CADM2: variants seen among roughly 807,000 people sequenced by gnomAD.
CADM2 encodes cell adhesion molecule 2.
In CADM2, 12 loss-of-function variants were observed where a neutral mutation model predicts 49.8. That is an observed-to-expected ratio of 0.24 (90% CI 0.15 to 0.39). The LOEUF is 0.39. Ranked by LOEUF, CADM2 falls within the 10% of genes least tolerant of loss-of-function variation. The probability of loss-of-function intolerance (pLI) is 1.00; values close to 1 mark genes in which losing one functional copy is unlikely to be tolerated. For synonymous variants in CADM2, 214 were observed against 175.4 expected, an observed-to-expected ratio of 1.22 and a Z score of -1.74; for missense variants, 378 against 492.3, an observed-to-expected ratio of 0.77 and a Z score of 2.20.
intron 1 of CADM2, among the ~76,000 whole-genome samples, chr3:85,577,316 G>C (rs570650051): frequency 3.5e-4 from 54 of 152,258 alleles, no homozygotes; most frequent in African/African-American, 1.3e-3. Context: ...GATTGGGTTA[G>C]AAGGGCTCTA....
At chr3:85,303,676 A>G (rs923659018) in intron 1 of CADM2, among the ~76,000 whole-genome samples, 1 of 151,970 alleles carries the variant, frequency 6.6e-6, no homozygotes, top group Non-Finnish European at 1.5e-5. Flanking sequence ...CTTGGTATCA[A>G]ATAGCCTATA....
chr3:85,549,094 T>A (rs4856585), intron 1 of CADM2, among the ~76,000 whole-genome samples: 77,958 of 152,046 alleles, frequency 0.51, 23,061 homozygotes, highest in East Asian at 0.85. Context: ...GTACAGCCTC[T>A]AAGTGGAAAG....
intron 8 of CADM2, among the ~76,000 whole-genome samples, chr3:85,964,123 T>G (rs1725187901): frequency 6.6e-6 from 1 of 151,890 alleles, no homozygotes; most frequent in Non-Finnish European, 1.5e-5. Flanking sequence ...TTTTAATGGT[T>G]TGGCTGTTTC....
chr3:85,563,944 G>A (rs1028421896), intron 1 of CADM2, among the ~76,000 whole-genome samples: 24 of 151,988 alleles, frequency 1.6e-4, no homozygotes, highest in African/African-American at 4.6e-4. Context: ...TGAATATAAC[G>A]TCTTCAATTT....
At chr3:85,333,863 A>G (rs2045005053) in intron 1 of CADM2, among the ~76,000 whole-genome samples, 1 of 151,742 alleles carries the variant, frequency 6.6e-6, no homozygotes, top group Non-Finnish European at 1.5e-5. Context: ...CTGTTGTTAT[A>G]TTGAGGGACT....
At chr3:85,490,245 A>C (rs1289644966) in intron 1 of CADM2, among the ~76,000 whole-genome samples, 2 of 152,162 alleles carry the variant, frequency 1.3e-5, no homozygotes, top group Non-Finnish European at 2.9e-5. Context: ...AAGCAAGATT[A>C]CACACCTAAG....
intron 1 of CADM2, among the ~76,000 whole-genome samples, chr3:85,138,174 G>C (rs2039473366): frequency 6.9e-6 from 1 of 144,786 alleles, no homozygotes; most frequent in African/African-American, 2.5e-5. Flanking sequence ...TCTTTCCTTT[G>C]TTGCATTCTT....
chr3:86,033,930 A>G (rs1474028315), intron 8 of CADM2, among the ~76,000 whole-genome samples: 1 of 151,252 alleles, frequency 6.6e-6, no homozygotes, highest in East Asian at 1.9e-4. Context: ...GAAGATAAGC[A>G]CAAAATTTAC....
chr3:85,326,570 A>T (rs1486038422), intron 1 of CADM2, among the ~76,000 whole-genome samples: 1 of 152,212 alleles, frequency 6.6e-6, no homozygotes, highest in African/African-American at 2.4e-5. Context: ...ATAGTATCAG[A>T]AATGAAAAAT....
intron 1 of CADM2, among the ~76,000 whole-genome samples, chr3:85,679,789 C>A (rs2107654091): frequency 6.6e-6 from 1 of 152,130 alleles, no homozygotes; most frequent in East Asian, 1.9e-4. Context: ...TGTCAGCTGG[C>A]TTTATTTTGG....
At chr3:85,946,782 T>C (rs891392480) in intron 7 of CADM2, among the ~76,000 whole-genome samples, 3 of 152,094 alleles carry the variant, frequency 2.0e-5, no homozygotes, top group Admixed American at 2.0e-4. Flanking sequence ...TTACACCTTA[T>C]ACAAAAATCA....
chr3:85,154,336 T>C (rs545483334), intron 1 of CADM2, among the ~76,000 whole-genome samples: 1 of 152,064 alleles, frequency 6.6e-6, no homozygotes, highest in Admixed American at 6.5e-5. Context: ...AGAAAGGGTA[T>C]CAGCGATGGA....
chr3:85,113,088 C>T (rs1242122247), intron 1 of CADM2, among the ~76,000 whole-genome samples: 2 of 151,944 alleles, frequency 1.3e-5, no homozygotes, highest in Non-Finnish European at 2.9e-5. Flanking sequence ...TTCTTCAGCT[C>T]ATTGTATTTC....
Position 85,912,486 on chromosome 3 carries a change from G to C in CADM2, c.643G>C (p.Asp215His), listed in dbSNP as rs1247708527. Residue 215 changes from aspartate (D) to histidine (H), a missense_variant, in exon 6 of 10, where the codon GAT (aspartate) becomes CAT (histidine). By Grantham distance (81) the Asp-to-His change is moderately conservative (BLOSUM62 -1). Coordinates refer to ENST00000383699, the MANE Select transcript of CADM2 (RefSeq NM_001167675.2). The part of the protein sequence containing the change: ...DDGVAVICRV[D>H]HESLNATPQV... ...TGGAGTGGCGGTCATCTGCAGAGTA[G>C]ATCACGAATCCCTCAATGCCACCCC... 2 of 1,614,010 alleles carry C rather than the reference G, an allele frequency of 1.2e-6. No homozygotes were observed. Among genetic ancestry groups the C allele is most frequent in the Non-Finnish European group, 1.7e-6 (2 of 1,179,938 alleles).
At chr3:85,099,371 G>A (rs1251752847) in intron 1 of CADM2, among the ~76,000 whole-genome samples, 2 of 152,042 alleles carry the variant, frequency 1.3e-5, no homozygotes, top group South Asian at 2.1e-4. Context: ...TTCTCTGAAA[G>A]CATAATATGA....
At chr3:85,579,115 TA>T (rs754762477) in intron 1 of CADM2, among the ~76,000 whole-genome samples, 14 of 152,304 alleles carry the variant, frequency 9.2e-5, no homozygotes, top group Non-Finnish European at 1.9e-4. Flanking sequence ...GATCCAGTGG[TA>T]ATATCTAAGG....
chr3:85,398,606 G>GTGT (rs987098484), intron 1 of CADM2, among the ~76,000 whole-genome samples: 2 of 152,180 alleles, frequency 1.3e-5, no homozygotes, highest in African/African-American at 4.8e-5. Flanking sequence ...GGTTGAACTA[G>GTGT]TGTACAGTCC....
intron 6 of CADM2, among the ~76,000 whole-genome samples, chr3:85,922,501 A>T (rs1719254423): frequency 6.6e-6 from 1 of 152,048 alleles, no homozygotes. Context: ...TAAACAGAAA[A>T]ACCGGACTTT....
intron 1 of CADM2, among the ~76,000 whole-genome samples, chr3:85,339,001 A>G (rs1158048300): frequency 1.3e-5 from 2 of 151,560 alleles, no homozygotes; most frequent in East Asian, 3.9e-4. Flanking sequence ...AATTTTCCAT[A>G]TTGAGATAAT....
Sources: gnomAD v4.1 joint callset for allele counts (sites outside exome capture counted in the v4.1 genomes callset) on GRCh38, gnomAD v4.1.1 for gene constraint, MANE v1.5 for transcripts, NCBI Gene and HGNC (gene_info 2026-07-23, HGNC 2026-07-21) for gene names.